The following EPHA4 variants were observed in gnomAD, a reference collection of about 807,000 sequenced individuals.
The protein encoded by EPHA4 is EPH receptor A4, also known as ephrin type-A receptor 4.
Under a neutral mutation model 108.3 loss-of-function variants are expected in EPHA4, and 19 were observed. That is an observed-to-expected ratio of 0.18 (90% CI 0.12 to 0.26). The LOEUF (loss-of-function observed/expected upper bound fraction) is 0.26, where lower values mean the gene tolerates loss of function less well. Ranked by LOEUF, EPHA4 falls within the 10% of genes least tolerant of loss-of-function variation. EPHA4 has a pLI of 1.00. For missense variants in EPHA4, 917 were observed against 1,254.0 expected (o/e 0.73, Z 4.06); for synonymous variants, 449 against 455.5 (o/e 0.99, Z 0.18).
chr2:221,490,222 TAAAG>T (rs898096098), intron 4 of EPHA4, among the ~76,000 whole-genome samples: 2 of 83,312 alleles, frequency 2.4e-5, no homozygotes, highest in Admixed American at 1.2e-4. Context: ...ATAATAATAA[TAAAG>T]AGAGAAAAAA....
chr2:221,486,374 G>T (rs576066267), intron 4 of EPHA4, among the ~76,000 whole-genome samples: 7 of 152,126 alleles, frequency 4.6e-5, no homozygotes, highest in Non-Finnish European at 1.0e-4. Context: ...ACATATAATG[G>T]TGTCTTGCTA....
In EPHA4 at chr2:221,429,984, C is replaced by T; in HGVS notation, c.2664G>A (p.Leu888=). ...LDKLIRNPNS[L]KRTGTESSRP... ...TGGAGCTCTCCGTCCCTGTCCTCTTCAAGCTGTTGGGGTTGCGGATGAGTT... is the reference window on the plus strand; with the variant it reads ...TGGAGCTCTCCGTCCCTGTCCTCTTTAAGCTGTTGGGGTTGCGGATGAGTT... The change falls in exon 15 of 18, where the codon TTG becomes TTA. Residue 888 remains leucine (L), a synonymous_variant. Coordinates refer to ENST00000281821, the MANE Select transcript of EPHA4 (RefSeq NM_004438.5). 6.2e-7 allele frequency: 1 copy of T among 1,613,684 alleles called. No individual in the cohort carries two copies. The highest frequency in any genetic ancestry group is 8.5e-7 in the Non-Finnish European group (1 of 1,179,858).
intron 14 of EPHA4, among the ~76,000 whole-genome samples, chr2:221,432,928 G>A (rs564448602): frequency 4.7e-5 from 7 of 148,838 alleles, no homozygotes; most frequent in African/African-American, 7.5e-5. Context: ...AGGTTCTAGC[G>A]ATTCTCCTGC....
intron 3 of EPHA4, among the ~76,000 whole-genome samples, chr2:221,503,970 T>C (rs1692554712): frequency 6.6e-6 from 1 of 152,246 alleles, no homozygotes; most frequent in Non-Finnish European, 1.5e-5. Flanking sequence ...TGTAAGTACA[T>C]TCTGCATTTA....
At chr2:221,476,120 T>C (rs1310756880) in intron 5 of EPHA4, among the ~76,000 whole-genome samples, 1 of 152,186 alleles carries the variant, frequency 6.6e-6, no homozygotes, top group Non-Finnish European at 1.5e-5. Flanking sequence ...CTCAGGAAGC[T>C]GAGGCATGAG....
At chr2:221,515,948 C>T (rs1692975569) in intron 3 of EPHA4, among the ~76,000 whole-genome samples, 1 of 125,914 alleles carries the variant, frequency 7.9e-6, no homozygotes, top group Admixed American at 8.3e-5. Context: ...TAAAGAGGCT[C>T]AGATTTGAAG....
In EPHA4 at chr2:221,432,794, C is replaced by T. The variant is rs140641293; in HGVS notation, c.2496+1348G>A. Among the ~76,000 whole-genome samples the T allele has an allele frequency of 2.7e-3, 410 of 151,438 alleles. 2 individuals are homozygous for T. The highest frequency in any genetic ancestry group is 9.2e-3 in the African/African-American group (377 of 41,202). ...GAGTAGCTGGGACTACAGGCGCACA[C>T]CACCACGCCCAGCAAATCTTTGTAT... On this transcript the variant is annotated intron_variant, in intron 14 of 17. Transcript: ENST00000281821.
intron 11 of EPHA4, among the ~76,000 whole-genome samples, chr2:221,439,963 C>T (rs537639370): frequency 6.6e-6 from 1 of 152,204 alleles, no homozygotes; most frequent in Non-Finnish European, 1.5e-5. Flanking sequence ...GGACTCTTGG[C>T]ACCATCTTCA....
intron 5 of EPHA4, among the ~76,000 whole-genome samples, chr2:221,474,164 T>C (rs548534721): frequency 2.6e-5 from 4 of 152,276 alleles, no homozygotes; most frequent in South Asian, 4.1e-4. Context: ...CCTTGAAAAG[T>C]TGGATAATTT....
chr2:221,547,694 A>G (rs1041449659), intron 3 of EPHA4, among the ~76,000 whole-genome samples: 4 of 152,194 alleles, frequency 2.6e-5, no homozygotes, highest in Admixed American at 2.6e-4. Context: ...CTCACCTTAT[A>G]TAAGAATGCA....
chr2:221,570,814 G>A (rs1427046281), intron 1 of EPHA4, among the ~76,000 whole-genome samples: 1 of 151,210 alleles, frequency 6.6e-6, no homozygotes, highest in Non-Finnish European at 1.5e-5. Flanking sequence ...ATGGATGGAC[G>A]GACGGACGGA....
intron 4 of EPHA4, among the ~76,000 whole-genome samples, chr2:221,489,858 T>A (rs760117420): frequency 1.3e-5 from 2 of 152,116 alleles, no homozygotes; most frequent in Non-Finnish European, 2.9e-5. Flanking sequence ...ACCATAGCAC[T>A]ATGGCTGAGC....
chr2:221,450,148 T>C (rs961706045), intron 8 of EPHA4, among the ~76,000 whole-genome samples: 39 of 152,338 alleles, frequency 2.6e-4, no homozygotes, highest in African/African-American at 8.9e-4. Flanking sequence ...TTTCACATGA[T>C]TGTAATATTC....
chr2:221,555,135 A>AG (rs778391768), intron 3 of EPHA4, among the ~76,000 whole-genome samples: 12 of 152,272 alleles, frequency 7.9e-5, no homozygotes, highest in Middle Eastern at 3.4e-3. Flanking sequence ...TGCATGGGGC[A>AG]GGGGGGCCGG....
chr2:221,535,298 T>G (rs920354259), intron 3 of EPHA4, among the ~76,000 whole-genome samples: 1 of 152,220 alleles, frequency 6.6e-6, no homozygotes, highest in African/African-American at 2.4e-5. Flanking sequence ...ATGTTAAAAG[T>G]GTACATTTGT....
intron 4 of EPHA4, among the ~76,000 whole-genome samples, chr2:221,495,024 ACTT>A (rs1692262176): frequency 1.4e-5 from 2 of 145,912 alleles, no homozygotes; most frequent in Non-Finnish European, 3.0e-5. Flanking sequence ...AAAAAAAAAA[ACTT>A]CTTGCCTCTC....
chr2:221,433,902 C>G (rs1241027525), intron 14 of EPHA4, among the ~76,000 whole-genome samples: 1 of 152,040 alleles, frequency 6.6e-6, no homozygotes, highest in Non-Finnish European at 1.5e-5. Context: ...TATTTTTTAT[C>G]CATGAATCTA....
intron 4 of EPHA4, among the ~76,000 whole-genome samples, chr2:221,499,756 A>ATATATATAT (rs1334015871): frequency 7.6e-5 from 2 of 26,220 alleles, no homozygotes; most frequent in Non-Finnish European, 1.3e-4. Context: ...ATATATATAT[A>ATATATATAT]TTTTTTTTTT....
chr2:221,552,469 T>C (rs1365640572), intron 3 of EPHA4, among the ~76,000 whole-genome samples: 1 of 152,202 alleles, frequency 6.6e-6, no homozygotes, highest in East Asian at 1.9e-4. Flanking sequence ...TGAAGCCTCC[T>C]GGCACCTCTG....
Sources: gnomAD v4.1 joint callset for allele counts (sites outside exome capture counted in the v4.1 genomes callset) on GRCh38, gnomAD v4.1.1 for gene constraint, MANE v1.5 for transcripts, NCBI Gene and HGNC (gene_info 2026-07-23, HGNC 2026-07-21) for gene names.